Variants in KAZN observed in about 807,000 individuals in gnomAD.
The protein encoded by KAZN is kazrin.
Under a neutral mutation model 87.4 loss-of-function variants are expected in KAZN, and 40 were observed. The observed-to-expected ratio is 0.46, with a 90% CI of 0.36 to 0.60. The LOEUF is 0.60. KAZN is among the 20% of genes least tolerant of loss of function. KAZN has a pLI of 0.00. For missense variants in KAZN, 898 were observed against 1,073.9 expected (o/e 0.84, Z 2.29); for synonymous variants, 466 against 458.3 (o/e 1.02, Z -0.22).
intron 2 of KAZN, among the ~76,000 whole-genome samples, chr1:14,330,961 T>C (rs1407915263): frequency 1.3e-5 from 2 of 152,168 alleles, no homozygotes; most frequent in African/African-American, 4.8e-5. Context: ...CATATATTGA[T>C]ACATTGGTGT....
intron 2 of KAZN, among the ~76,000 whole-genome samples, chr1:14,576,581 C>T (rs1353030546): frequency 6.6e-6 from 1 of 152,150 alleles, no homozygotes; most frequent in East Asian, 1.9e-4. Flanking sequence ...ATTTTGGGGG[C>T]TTCTATGTAA....
At chr1:14,057,653 T>C (rs1451607515) in intron 1 of KAZN, among the ~76,000 whole-genome samples, 1 of 152,192 alleles carries the variant, frequency 6.6e-6, no homozygotes, top group Non-Finnish European at 1.5e-5. Context: ...CGTTTCTCCA[T>C]CCAGCAAATC....
chr1:14,604,809 G>A (rs1572030341), intron 1 of KAZN, among the ~76,000 whole-genome samples: 1 of 152,198 alleles, frequency 6.6e-6, no homozygotes, highest in Non-Finnish European at 1.5e-5. Context: ...CAGGAGCTCA[G>A]ATGGAGCTTG....
At chr1:14,733,793 T>C (rs1643791867) in intron 1 of KAZN, among the ~76,000 whole-genome samples, 1 of 152,188 alleles carries the variant, frequency 6.6e-6, no homozygotes, top group Non-Finnish European at 1.5e-5. Context: ...ACCTGCGAGC[T>C]GTTTGGGAGC....
chr1:14,774,795 T>C (rs988920906), intron 1 of KAZN, among the ~76,000 whole-genome samples: 6 of 111,572 alleles, frequency 5.4e-5, no homozygotes, highest in Non-Finnish European at 9.5e-5. Flanking sequence ...CTTGAGCAGA[T>C]TTTTTTATCT....
chr1:14,153,900 A>G (rs1645532609), intron 1 of KAZN, among the ~76,000 whole-genome samples: 1 of 151,934 alleles, frequency 6.6e-6, no homozygotes. Context: ...CATTTTGGTT[A>G]CTGTAGGTCT....
At chr1:14,082,332 G>A (rs1415939693) in intron 1 of KAZN, among the ~76,000 whole-genome samples, 5 of 152,146 alleles carry the variant, frequency 3.3e-5, no homozygotes, top group African/African-American at 2.4e-5. Flanking sequence ...CTTCTTAAAG[G>A]AGGAGAAAAC....
intron 1 of KAZN, among the ~76,000 whole-genome samples, chr1:14,793,084 C>A (rs185701762): frequency 1.1e-3 from 162 of 151,850 alleles, no homozygotes; most frequent in African/African-American, 3.8e-3. Flanking sequence ...CATGTTAAGG[C>A]GGTGGAGGCC....
At position 14,350,066 on chromosome 1, in the gene KAZN, G is replaced by A. The variant is rs532913214; in HGVS notation, c.249+169474G>A. 7.9e-5 allele frequency among the ~76,000 whole-genome samples: 12 copies of A among 151,112 alleles called. No individual in the cohort carries two copies. The South Asian group carries it at 2.3e-3, about 29-fold the overall frequency. ...CCTGGGAGGCGTGAACCTGGGAGGCGGAGCTTGCAGTGAGCTGAGATCGCG... is the reference window on the plus strand; with the variant it reads ...CCTGGGAGGCGTGAACCTGGGAGGCAGAGCTTGCAGTGAGCTGAGATCGCG... On this transcript the variant is annotated intron_variant, in intron 2 of 16. Coordinates refer to the KAZN transcript ENST00000636203.
intron 1 of KAZN, among the ~76,000 whole-genome samples, chr1:14,835,347 G>A (rs896455376): frequency 1.3e-5 from 2 of 152,180 alleles, no homozygotes; most frequent in African/African-American, 4.8e-5. Context: ...AATTCAAAAA[G>A]AGGGACAGAA....
rs144673782 is a variant in KAZN, at chr1:14,276,393, C to T, written c.249+95801C>T. On this transcript the variant is annotated intron_variant, in intron 2 of 16. Transcript: ENST00000636203. Reference sequence around the variant, plus strand: ...TGGTGAATTACATTGTGTTCATTTTCTGGGACTGCCTTAACAAAGTACCAA... The same window carrying T: ...TGGTGAATTACATTGTGTTCATTTTTTGGGACTGCCTTAACAAAGTACCAA... Among the ~76,000 whole-genome samples, 502 of 152,076 alleles carry T rather than the reference C, an allele frequency of 3.3e-3. 1 individual carries two copies. Among genetic ancestry groups the T allele is most frequent in the Middle Eastern group, 6.8e-3 (2 of 294 alleles).
Position 14,206,253 on chromosome 1 carries a change from GTTT to G in KAZN, c.249+25666_249+25668del, listed in dbSNP as rs960766603. The stretch of plus-strand genomic sequence containing the variant: ...AGTCCACAAAGTCAGCTGACTTTTT[GTTT>G]TTTTCTTTTCTGATTTTTTAAAAAA... On this transcript the variant is annotated intron_variant, in intron 2 of 16. Coordinates refer to the KAZN transcript ENST00000636203. Among the ~76,000 whole-genome samples the G allele has an allele frequency of 2.6e-5, 4 of 151,926 alleles. No individual in the cohort carries two copies. In the East Asian group the frequency reaches 7.7e-4, roughly 29 times the overall value.
chr1:14,272,961 G>C (rs74057135), intron 2 of KAZN, among the ~76,000 whole-genome samples: 5,689 of 152,180 alleles, frequency 0.037, 365 homozygotes, highest in African/African-American at 0.13. Context: ...GCTGTGAGAG[G>C]AATAAGAGAT....
At chr1:14,409,863 C>T (rs140559587) in intron 2 of KAZN, among the ~76,000 whole-genome samples, 7 of 152,106 alleles carry the variant, frequency 4.6e-5, no homozygotes, top group African/African-American at 1.7e-4. Context: ...CATCAAAAAA[C>T]AGAATATAAC....
At chr1:14,493,638 A>T (rs551921642) in intron 2 of KAZN, among the ~76,000 whole-genome samples, 1 of 152,254 alleles carries the variant, frequency 6.6e-6, no homozygotes, top group African/African-American at 2.4e-5. Context: ...CCTTTCATTA[A>T]TTTTGCCTGA....
intron 2 of KAZN, among the ~76,000 whole-genome samples, chr1:14,311,885 C>T (rs1335915111): frequency 6.6e-6 from 1 of 152,050 alleles, no homozygotes; most frequent in African/African-American, 2.4e-5. Context: ...ACTTATGATG[C>T]TTGCAGCAGG....
intron 1 of KAZN, among the ~76,000 whole-genome samples, chr1:14,691,576 T>C (rs1048365311): frequency 6.6e-6 from 1 of 152,160 alleles, no homozygotes; most frequent in Non-Finnish European, 1.5e-5. Context: ...AAATTCCGCC[T>C]CCTGGGTTCA....
chr1:14,388,071 G>A (rs1662095285), intron 2 of KAZN, among the ~76,000 whole-genome samples: 1 of 152,166 alleles, frequency 6.6e-6, no homozygotes, highest in Non-Finnish European at 1.5e-5. Context: ...GGAGTGACCC[G>A]ATTTTCCAGG....
At chr1:14,879,833 G>A (rs866243296) in intron 1 of KAZN, among the ~76,000 whole-genome samples, 2 of 152,142 alleles carry the variant, frequency 1.3e-5, no homozygotes, top group Non-Finnish European at 2.9e-5. Flanking sequence ...GACCACCATC[G>A]AATGGTCCCC....
Sources: allele counts gnomAD v4.1 joint callset (sites outside exome capture counted in the v4.1 genomes callset), GRCh38; gene constraint gnomAD v4.1.1; transcripts MANE v1.5; gene names NCBI Gene and HGNC (gene_info 2026-07-23, HGNC 2026-07-21).